Variants in AMTN observed in about 807,000 individuals in gnomAD.
AMTN encodes amelotin, also known as RSTI689.
In AMTN, 29 loss-of-function variants were observed where a neutral mutation model predicts 27.4. That is an observed-to-expected ratio of 1.06 (90% CI 0.79 to 1.44). The LOEUF is 1.44. Among genes scored for constraint, AMTN ranks in the 40% most tolerant of loss-of-function variants. The pLI, the probability that AMTN is intolerant of heterozygous loss-of-function variation, is 0.00. For missense variants in AMTN, 247 were observed against 248.8 expected, an observed-to-expected ratio of 0.99 and a Z score of 0.05; for synonymous variants, 86 against 95.7, an observed-to-expected ratio of 0.90 and a Z score of 0.59.
chr4:70,529,137 T>C (rs1239202613), intron 6 of AMTN, 47 bp from the exon 7 acceptor site: 1 of 1,467,632 alleles, frequency 6.8e-7, no homozygotes, highest in Admixed American at 2.4e-5. Flanking sequence ...TTACTACAAA[T>C]ACATTAAAAT....
chr4:70,522,916 C>T (rs1448185913), intron 3 of AMTN, 78 bp downstream of exon 3: 37 of 1,365,788 alleles, frequency 2.7e-5, no homozygotes, highest in East Asian at 4.6e-5. Flanking sequence ...AAAGAAAACA[C>T]GTTAAGACTG....
chr4:70,527,958 G>A (rs1736133909), intron 5 of AMTN, among the ~76,000 whole-genome samples: 1 of 152,070 alleles, frequency 6.6e-6, no homozygotes, highest in South Asian at 2.1e-4. Context: ...CCCTATAATT[G>A]CTTTATTTTA....
intron 2 of AMTN, among the ~76,000 whole-genome samples, chr4:70,521,338 C>G (rs1026495258): frequency 6.8e-6 from 1 of 147,052 alleles, no homozygotes; most frequent in African/African-American, 2.5e-5. Flanking sequence ...CAAGATCACT[C>G]CATTGCACTC....
Position 70,524,905 on chromosome 4 carries a change from C to G in AMTN, c.238C>G (p.Gln80Glu). ...NPAAGMTPGT[Q>E]THPLTLGGLN... ...TGCTGCAGGAATGACACCTGGTACC[C>G]AGACCCACCCATTGACCCTGGGAGG... Residue 80 changes from glutamine to glutamate, a missense_variant, in exon 5 of 9, where the codon CAG becomes GAG. By Grantham distance (29) the Gln-to-Glu change is conservative. Coordinates refer to ENST00000339336, the MANE Select transcript of AMTN (RefSeq NM_212557.4). The G allele has an allele frequency of 6.2e-7, 1 of 1,614,034 alleles. No individual in the cohort carries two copies. The highest frequency in any genetic ancestry group is 8.5e-7 in the Non-Finnish European group (1 of 1,179,940).
Position 70,518,760 on chromosome 4 carries a change from T to C in AMTN, c.-15-3T>C, listed in dbSNP as rs201193624. ...GAAGAGTAACACTTTTTTGTTGTTG[T>C]AGGTAGCAATCTGAAACATGAGGAG... On this transcript the variant is annotated splice_region_variant and splice_polypyrimidine_tract_variant and intron_variant, in intron 1 of 8. Coordinates refer to ENST00000339336, the MANE Select transcript of AMTN (RefSeq NM_212557.4). 2.9e-5 allele frequency: 46 copies of C among 1,580,538 alleles called. 1 individual carries two copies. Among genetic ancestry groups the C allele is most frequent in the Non-Finnish European group, 3.7e-5 (43 of 1,149,462 alleles).
intron 2 of AMTN, among the ~76,000 whole-genome samples, chr4:70,521,608 G>T (rs1735968642): frequency 7.2e-6 from 1 of 139,688 alleles, no homozygotes; most frequent in African/African-American, 2.6e-5. Flanking sequence ...AAAGCTGAAA[G>T]GGACCTCCTA....
chr4:70,522,800 G>A lies in AMTN; in HGVS notation c.100G>A (p.Asp34Asn). ...ACTCCCTCCCACAAAACTGGCTCCG[G>A]ATCAGGGAACACTACCAAACCAACA... ...LGLPPTKLAP[D>N]QGTLPNQQQS... Residue 34 changes from aspartate to asparagine, a missense_variant, in exon 3 of 9, where the codon GAT (aspartate) becomes AAT (asparagine). Transcript: ENST00000339336. 6.2e-7 allele frequency: 1 copy of A among 1,613,716 alleles called. No homozygotes were observed. Among genetic ancestry groups the A allele is most frequent in the Non-Finnish European group, 8.5e-7 (1 of 1,179,808 alleles).
chr4:70,528,006 A>G (rs898437153), intron 5 of AMTN, among the ~76,000 whole-genome samples: 2 of 152,234 alleles, frequency 1.3e-5, no homozygotes, highest in African/African-American at 4.8e-5. Flanking sequence ...AAGACTAAGT[A>G]TATATACCTC....
chr4:70,531,389 A>G, intron 8 of AMTN, 89 bp downstream of exon 8: 1 of 1,525,312 alleles, frequency 6.6e-7, no homozygotes, highest in South Asian at 1.2e-5. Context: ...GCCTTGACAA[A>G]TGCAGATCTT....
At position 70,518,642 on chromosome 4, in the gene AMTN, C is replaced by T. The variant is rs182802709; in HGVS notation, c.-28C>T. 17 of 699,706 alleles carry T rather than the reference C, an allele frequency of 2.4e-5. No homozygotes were observed. Among genetic ancestry groups the T allele is most frequent in the Admixed American group, 1.8e-4 (7 of 39,176 alleles). The allele number at this position is 699,706 out of a possible 1,614,324, so 43.3% of individuals were successfully genotyped here. On this transcript the variant is annotated 5_prime_UTR_variant, in exon 1 of 9. Coordinates refer to ENST00000339336, the MANE Select transcript of AMTN (RefSeq NM_212557.4). ...ACCTTGAGTATTGTACATTTTGCCTCGTGGACCCAAAGGTAACATTAATTG... is the reference window on the plus strand; with the variant it reads ...ACCTTGAGTATTGTACATTTTGCCTTGTGGACCCAAAGGTAACATTAATTG...
At chr4:70,525,790 C>T (rs535650724) in intron 5 of AMTN, among the ~76,000 whole-genome samples, 2 of 152,090 alleles carry the variant, frequency 1.3e-5, no homozygotes, top group African/African-American at 4.8e-5. Flanking sequence ...GTCCCAAGTA[C>T]TCGGGAGGCT....
At position 70,531,011 on chromosome 4, in the gene AMTN, T is replaced by C. The variant is rs202242908; in HGVS notation, c.358-28T>C. ...AAAGAAAATGTGTTGCTTTTAACTT[T>C]GTTTTCTGTTTGCTTCCCTCATTCC... On this transcript the variant is annotated intron_variant, in intron 7 of 8. Coordinates refer to ENST00000339336, the MANE Select transcript of AMTN (RefSeq NM_212557.4). 31 of 1,611,118 alleles carry C rather than the reference T, an allele frequency of 1.9e-5. No homozygotes were observed. The East Asian group carries it at 6.7e-4, about 35-fold the overall frequency.
At position 70,523,878 on chromosome 4, in the gene AMTN, C is replaced by G. The variant is rs1358203416; in HGVS notation, c.149C>G (p.Ser50Cys). ...TTCAATCCCCTGCAGGTCTTTCCTT[C>G]TTTAAGTCTGATACCATTAACACAG... ...NQQQSNQVFP[S>C]LSLIPLTQML... The change falls in exon 4 of 9, where the codon TCT becomes TGT. Residue 50 changes from serine (S) to cysteine (C), a missense_variant. Ser to Cys is a moderately radical substitution (Grantham distance 112). Coordinates refer to ENST00000339336, the MANE Select transcript of AMTN (RefSeq NM_212557.4). The G allele has an allele frequency of 6.2e-7, 1 of 1,613,720 alleles. No individual in the cohort carries two copies. The highest frequency in any genetic ancestry group is 1.7e-5 in the Admixed American group (1 of 60,006).
intron 8 of AMTN, 68 bp downstream of exon 8, chr4:70,531,368 T>C (rs1200312302): frequency 3.2e-6 from 5 of 1,584,004 alleles, no homozygotes; most frequent in African/African-American, 1.3e-5. Context: ...AAAAGAGGAG[T>C]TCTTTGTCTT....
chr4:70,521,975 C>T (rs1735980933), intron 2 of AMTN, among the ~76,000 whole-genome samples: 1 of 152,132 alleles, frequency 6.6e-6, no homozygotes. Flanking sequence ...ACCAAAACTG[C>T]TCCAGGGTAA....
At chr4:70,527,069 A>G (rs1432963107) in intron 5 of AMTN, among the ~76,000 whole-genome samples, 1 of 152,160 alleles carries the variant, frequency 6.6e-6, no homozygotes, top group Non-Finnish European at 1.5e-5. Context: ...TACACTTATT[A>G]CTTATATGAT....
rs1736068262 is a variant in AMTN, at chr4:70,524,934, G to A, written c.267G>A (p.Leu89=). 1 of 1,613,948 alleles carries A rather than the reference G, an allele frequency of 6.2e-7. No individual in the cohort carries two copies. The highest frequency in any genetic ancestry group is 1.3e-5 in the African/African-American group (1 of 74,928). Residue 89 remains leucine, a synonymous_variant, in exon 5 of 9, where the codon TTG becomes TTA. Transcript: ENST00000339336. ...CCCACCCATTGACCCTGGGAGGGTT[G>A]AATGTACAACAGCAACTGCACCCAC... ...TQTHPLTLGG[L]NVQQQLHPHV...
At position 70,522,825 on chromosome 4, in the gene AMTN, AG is replaced by A; in HGVS notation, c.126del (p.Gln42HisfsTer10). On this transcript the variant is annotated frameshift_variant, in exon 3 of 9. Coordinates refer to ENST00000339336, the MANE Select transcript of AMTN (RefSeq NM_212557.4). LOFTEE classifies it high-confidence loss of function. ...GATCAGGGAACACTACCAAACCAAC[AG>A]CAGTCAAATCAGGTAAGAGTCCTAC... ...APDQGTLPNQQQSNQVFPSLS... is the reference protein window; with the variant it reads ...APDQGTLPNQXQSNQVFPSLS... The A allele has an allele frequency of 6.2e-7, 1 of 1,613,854 alleles. No homozygotes were observed. The highest frequency in any genetic ancestry group is 8.5e-7 in the Non-Finnish European group (1 of 1,179,818).
chr4:70,529,806 G>A (rs538774084), intron 7 of AMTN, among the ~76,000 whole-genome samples: 14 of 152,152 alleles, frequency 9.2e-5, no homozygotes, highest in Non-Finnish European at 2.1e-4. Flanking sequence ...CAGAATTGAG[G>A]CAATATTTGG....
Sources: allele counts gnomAD v4.1 joint callset (sites outside exome capture counted in the v4.1 genomes callset), GRCh38; gene constraint gnomAD v4.1.1; transcripts MANE v1.5; gene names NCBI Gene and HGNC (gene_info 2026-07-23, HGNC 2026-07-21).